Variants in PTPRG observed in about 807,000 individuals in gnomAD.
PTPRG encodes protein tyrosine phosphatase receptor type G, also known as receptor-type tyrosine-protein phosphatase gamma.
A neutral mutation model predicts 165.3 loss-of-function variants in PTPRG; 102 were observed. The observed-to-expected ratio is 0.62, with a 90% CI of 0.53 to 0.73. The LOEUF is 0.73. PTPRG is among the 30% of genes least tolerant of loss of function. PTPRG has a pLI of 0.00. For synonymous variants in PTPRG, 675 were observed against 669.5 expected (o/e 1.01, Z -0.13); for missense variants, 1,866 against 1,861.4 (o/e 1.00, Z -0.05).
chr3:62,132,377 G>A (rs142643875), intron 5 of PTPRG, among the ~76,000 whole-genome samples: 1 of 152,126 alleles, frequency 6.6e-6, no homozygotes, highest in African/African-American at 2.4e-5. Context: ...TTTCTCTCCT[G>A]TTACAATGTA....
chr3:61,712,713 A>G (rs1280090372), intron 1 of PTPRG, among the ~76,000 whole-genome samples: 1 of 152,198 alleles, frequency 6.6e-6, no homozygotes, highest in East Asian at 1.9e-4. Flanking sequence ...CTCTTTATAA[A>G]TTACCCAGTC....
intron 1 of PTPRG, among the ~76,000 whole-genome samples, chr3:61,621,617 C>T (rs1000486645): frequency 1.3e-5 from 2 of 152,094 alleles, no homozygotes; most frequent in Non-Finnish European, 1.5e-5. Flanking sequence ...TTCCTTTATT[C>T]GTGCCAGGGG....
intron 1 of PTPRG, among the ~76,000 whole-genome samples, chr3:61,684,512 C>T (rs1260920014): frequency 2.0e-5 from 3 of 152,266 alleles, no homozygotes; most frequent in African/African-American, 7.2e-5. Context: ...ACAAAGGGAA[C>T]ACGTCCAAGC....
At chr3:62,009,385 T>C (rs1055694393) in intron 4 of PTPRG, among the ~76,000 whole-genome samples, 1 of 152,214 alleles carries the variant, frequency 6.6e-6, no homozygotes, top group African/African-American at 2.4e-5. Context: ...GTTTCTAGTT[T>C]TAGGCTGACC....
chr3:62,090,873 C>T (rs548655183), intron 5 of PTPRG, among the ~76,000 whole-genome samples: 22 of 152,108 alleles, frequency 1.4e-4, no homozygotes, highest in Non-Finnish European at 2.6e-4. Flanking sequence ...TGTATAAATT[C>T]CAACTTGCCA....
intron 2 of PTPRG, among the ~76,000 whole-genome samples, chr3:61,766,507 A>G (rs1177822506): frequency 6.6e-6 from 1 of 152,176 alleles, no homozygotes; most frequent in African/African-American, 2.4e-5. Flanking sequence ...TCTATATATT[A>G]AAGGAGTAGA....
chr3:61,940,836 T>A (rs952771362), intron 2 of PTPRG, among the ~76,000 whole-genome samples: 1 of 152,028 alleles, frequency 6.6e-6, no homozygotes, highest in African/African-American at 2.4e-5. Context: ...GCTAATTTTT[T>A]TGTATTTTTA....
At chr3:62,178,226 CATGGATAAATGCATGGATCCATGGATGT>C (rs1705510208) in intron 8 of PTPRG, among the ~76,000 whole-genome samples, 1 of 150,044 alleles carries the variant, frequency 6.7e-6, no homozygotes, top group Non-Finnish European at 1.5e-5. Context: ...TGGATGGATG[CATGGATAAATGCATGGATCCATGGATGT>C]ATGGGAGGAT....
At chr3:62,257,029 G>A (rs1701552012) in intron 16 of PTPRG, among the ~76,000 whole-genome samples, 1 of 152,114 alleles carries the variant, frequency 6.6e-6, no homozygotes, top group South Asian at 2.1e-4. Context: ...GGGCAGGCAG[G>A]AAGGTGAAAG....
At chr3:62,264,991 G>A (rs1357365323) in intron 17 of PTPRG, among the ~76,000 whole-genome samples, 4 of 150,400 alleles carry the variant, frequency 2.7e-5, no homozygotes, top group African/African-American at 4.9e-5. Flanking sequence ...CTTCCTAACC[G>A]GTATGAAGTG....
At chr3:62,170,340 A>C (rs1303373965) in intron 8 of PTPRG, among the ~76,000 whole-genome samples, 3 of 152,074 alleles carry the variant, frequency 2.0e-5, no homozygotes, top group Non-Finnish European at 4.4e-5. Flanking sequence ...ATTTTGTGAG[A>C]GTTATATGCA....
chr3:62,292,500 G>A lies in PTPRG; in HGVS notation c.4135G>A (p.Val1379Ile). The A allele has an allele frequency of 6.2e-7, 1 of 1,613,644 alleles. No individual in the cohort carries two copies. The highest frequency in any genetic ancestry group is 8.5e-7 in the Non-Finnish European group (1 of 1,179,730). Residue 1379 changes from valine to isoleucine, a missense_variant, in exon 29 of 30, where the codon GTT (valine) becomes ATT (isoleucine). By Grantham distance (29) the Val-to-Ile change is conservative (BLOSUM62 3). Around this residue, in one of 3 missense-constraint regions of PTPRG, gnomAD observed 1,452 missense variants for 1,463.0 expected, o/e 0.99. Transcript: ENST00000474889. ...ACTGGAGAATGAAAATGCTGTGGAT[G>A]TTTTCCAGGTTGCAAAAATGATCAA... ...QQLENENAVD[V>I]FQVAKMINLM...
Position 61,563,529 on chromosome 3 carries a change from G to A in PTPRG, c.85+1157G>A, listed in dbSNP as rs148853015. Among the ~76,000 whole-genome samples, 507 of 152,270 alleles carry A rather than the reference G, an allele frequency of 3.3e-3. 2 individuals carry two copies. The highest frequency in any genetic ancestry group is 0.011 in the African/African-American group (477 of 41,570). ...TGGAGGCCAAGTCCTGCCCTAGCCC[G>A]GGGAAGGGCTGGAAGAAGGGGTGAT... On this transcript the variant is annotated intron_variant, in intron 1 of 29. Transcript: ENST00000474889.
At chr3:62,086,375 A>G (rs987178662) in intron 5 of PTPRG, among the ~76,000 whole-genome samples, 1 of 151,950 alleles carries the variant, frequency 6.6e-6, no homozygotes, top group Non-Finnish European at 1.5e-5. Flanking sequence ...AATTTTACCC[A>G]TCTACCAAAT....
chr3:62,085,545 TTGCTAATTTTCTTTCCCATTGTCTC>T (rs1469868162), intron 5 of PTPRG, among the ~76,000 whole-genome samples: 6 of 152,216 alleles, frequency 3.9e-5, no homozygotes, highest in Non-Finnish European at 8.8e-5. Flanking sequence ...TTGGATCATT[TTGCTAATTTTCTTTCCCATTGTCTC>T]TGCCTCTTTC....
Position 62,251,762 on chromosome 3 carries a change from G to A in PTPRG, c.2468-3362G>A, listed in dbSNP as rs1281702634. On this transcript the variant is annotated intron_variant, in intron 15 of 29. Coordinates refer to ENST00000474889, the MANE Select transcript of PTPRG (RefSeq NM_002841.4). The stretch of plus-strand genomic sequence containing the variant: ...AGTACTTTGAGAATGAAGACAAACA[G>A]TGTATCCTAGTACACAGGAATACAG... 2.0e-5 allele frequency among the ~76,000 whole-genome samples: 3 copies of A among 152,276 alleles called. No individual in the cohort carries two copies. In the East Asian group the frequency reaches 5.8e-4, roughly 29 times the overall value.
Position 62,292,408 on chromosome 3 carries a change from T to C in PTPRG, c.4056-13T>C, listed in dbSNP as rs1254362416. On this transcript the variant is annotated splice_polypyrimidine_tract_variant and intron_variant, in intron 28 of 29. Transcript: ENST00000474889. ...GTACATCTGAAATCGTATCTTTTTT[T>C]TTTCTCCCCCAGGTATGGAGCAGTT... is the stretch of plus-strand genomic sequence containing the variant. 1.9e-6 allele frequency: 3 copies of C among 1,599,992 alleles called. No homozygotes were observed. Among genetic ancestry groups the C allele is most frequent in the Non-Finnish European group, 1.7e-6 (2 of 1,175,730 alleles).
intron 2 of PTPRG, among the ~76,000 whole-genome samples, chr3:61,764,320 C>G (rs1253865182): frequency 6.6e-6 from 1 of 152,098 alleles, no homozygotes; most frequent in South Asian, 2.1e-4. Context: ...ATCCTCATAC[C>G]AGTCTTCATT....
chr3:62,204,967 AT>A (rs372315870), intron 12 of PTPRG, among the ~76,000 whole-genome samples: 10 of 151,666 alleles, frequency 6.6e-5, no homozygotes, highest in Admixed American at 6.6e-4. Context: ...TTTAGCAACA[AT>A]TTTTTTTGCG....
Sources: allele counts gnomAD v4.1 joint callset (sites outside exome capture counted in the v4.1 genomes callset), GRCh38; gene constraint gnomAD v4.1.1; regional missense constraint gnomAD v4.1.1; transcripts MANE v1.5; gene names NCBI Gene and HGNC (gene_info 2026-07-23, HGNC 2026-07-21).